Variants in AKAP6 observed in about 807,000 individuals in gnomAD.
AKAP6 encodes A-kinase anchoring protein 6.
Under a neutral mutation model 188.5 loss-of-function variants are expected in AKAP6, and 58 were observed. The observed-to-expected ratio is 0.31, with a 90% CI of 0.25 to 0.38. AKAP6 has a LOEUF of 0.38. AKAP6 is among the 10% of genes least tolerant of loss of function. The pLI is 1.00. For missense variants in AKAP6, 2,710 were observed against 2,740.0 expected, an observed-to-expected ratio of 0.99 and a Z score of 0.24; for synonymous variants, 989 against 998.6, an observed-to-expected ratio of 0.99 and a Z score of 0.18.
At chr14:32,467,745 A>G (rs1321330059) in intron 2 of AKAP6, among the ~76,000 whole-genome samples, 3 of 152,080 alleles carry the variant, frequency 2.0e-5, no homozygotes, top group Non-Finnish European at 4.4e-5. Flanking sequence ...CAGAATCCCA[A>G]GAAGTTGGTC....
intron 11 of AKAP6, among the ~76,000 whole-genome samples, chr14:32,745,281 G>GT (rs765414611): frequency 6.6e-6 from 1 of 152,064 alleles, no homozygotes. Context: ...TGACTAGGGT[G>GT]TTGTGATCTA....
intron 9 of AKAP6, among the ~76,000 whole-genome samples, chr14:32,728,200 A>AT (rs3033287): frequency 6.5e-4 from 46 of 71,052 alleles, no homozygotes; most frequent in Non-Finnish European, 8.4e-4. Flanking sequence ...ACATCCCTGG[A>AT]TTTTTTTTTT....
rs548638898 is a variant in AKAP6, at chr14:32,700,102, A to T, written c.3000+3992A>T. Among the ~76,000 whole-genome samples the T allele has an allele frequency of 1.1e-4, 16 of 151,776 alleles. No individual in the cohort carries two copies. In the East Asian group the frequency reaches 3.1e-3, roughly 29 times the overall value. ...CTCCCCCATTCTCTAAGTGTTATAG[A>T]CTGAGTGACCTAGAAGCATTTCAAC... On this transcript the variant is annotated intron_variant, in intron 9 of 13. Coordinates refer to ENST00000280979, the MANE Select transcript of AKAP6 (RefSeq NM_004274.5).
At chr14:32,384,268 C>T (rs1217570203) in intron 1 of AKAP6, among the ~76,000 whole-genome samples, 6 of 152,150 alleles carry the variant, frequency 3.9e-5, no homozygotes, top group Admixed American at 6.5e-5. Context: ...GGTAAATTTT[C>T]GTGATACCGG....
At chr14:32,670,156 G>A (rs1889120566) in intron 7 of AKAP6, among the ~76,000 whole-genome samples, 1 of 149,892 alleles carries the variant, frequency 6.7e-6, no homozygotes, top group Non-Finnish European at 1.5e-5. Flanking sequence ...CTATCACAAA[G>A]CCCCTTATAA....
At chr14:32,580,854 C>A (rs1019396637) in intron 5 of AKAP6, among the ~76,000 whole-genome samples, 23 of 152,160 alleles carry the variant, frequency 1.5e-4, no homozygotes, top group Non-Finnish European at 1.8e-4. Flanking sequence ...TTTCCAATTT[C>A]ATCCATGTCC....
intron 5 of AKAP6, among the ~76,000 whole-genome samples, chr14:32,595,876 G>T (rs559175486): frequency 1.3e-5 from 2 of 152,158 alleles, no homozygotes; most frequent in East Asian, 3.9e-4. Context: ...TTACACAATA[G>T]AATATAAGCT....
chr14:32,734,247 G>A (rs566086013), intron 10 of AKAP6: 2 of 151,918 alleles, frequency 1.3e-5, no homozygotes, highest in South Asian at 4.2e-4. Flanking sequence ...TTAAAGACAA[G>A]GATTTTAACT....
intron 12 of AKAP6, among the ~76,000 whole-genome samples, chr14:32,808,776 T>C (rs1219588696): frequency 6.6e-6 from 1 of 152,188 alleles, no homozygotes; most frequent in African/African-American, 2.4e-5. Flanking sequence ...ATGACATTTG[T>C]GTCATCACCG....
At chr14:32,773,968 C>T (rs534366816) in intron 12 of AKAP6, 75 bp downstream of exon 12, 64 of 1,462,076 alleles carry the variant, frequency 4.4e-5, no homozygotes, top group East Asian at 1.9e-4. Context: ...GGCTTGGAAA[C>T]GGTGTTCATC....
chr14:32,586,587 C>A (rs1307445664), intron 5 of AKAP6, among the ~76,000 whole-genome samples: 1 of 152,112 alleles, frequency 6.6e-6, no homozygotes, highest in Admixed American at 6.5e-5. Flanking sequence ...GCTGAGATTG[C>A]GTCACTGCAC....
intron 9 of AKAP6, among the ~76,000 whole-genome samples, chr14:32,722,723 C>T (rs2030612344): frequency 1.3e-5 from 2 of 152,170 alleles, no homozygotes; most frequent in East Asian, 3.9e-4. Context: ...CTCACTCCAT[C>T]GCCTTCCCAG....
Position 32,824,684 on chromosome 14 carries a change from G to A in AKAP6, c.6871G>A (p.Ala2291Thr). The A allele has an allele frequency of 6.2e-7, 1 of 1,613,834 alleles. No homozygotes were observed. Among genetic ancestry groups the A allele is most frequent in the Non-Finnish European group, 8.5e-7 (1 of 1,179,902 alleles). Residue 2291 changes from alanine to threonine, a missense_variant, in exon 13 of 14, where the codon GCC becomes ACC. Physicochemically the swap from Ala to Thr is moderately conservative, Grantham distance 58 (BLOSUM62 0). Transcript: ENST00000280979. ...SLKANQPTDK[A>T]ALHPSPKTLT... ...GAAGGCAAATCAGCCAACAGACAAGGCCGCATTGCATCCCAGCCCCAAAAC... is the reference window on the plus strand; with the variant it reads ...GAAGGCAAATCAGCCAACAGACAAGACCGCATTGCATCCCAGCCCCAAAAC...
chr14:32,752,183 A>G (rs892353236), intron 11 of AKAP6, among the ~76,000 whole-genome samples: 2 of 152,232 alleles, frequency 1.3e-5, no homozygotes, highest in African/African-American at 4.8e-5. Flanking sequence ...AAATTCAGGG[A>G]TGAGAAACAC....
chr14:32,698,355 G>A (rs531068615), intron 9 of AKAP6, among the ~76,000 whole-genome samples: 12 of 152,254 alleles, frequency 7.9e-5, no homozygotes, highest in African/African-American at 2.9e-4. Flanking sequence ...TTTATGGTCT[G>A]TTGATCATAG....
At chr14:32,582,211 A>C (rs1163909969) in intron 5 of AKAP6, among the ~76,000 whole-genome samples, 1 of 151,942 alleles carries the variant, frequency 6.6e-6, no homozygotes, top group Non-Finnish European at 1.5e-5. Flanking sequence ...ATCTCTCAGC[A>C]TTTGCTTGTC....
chr14:32,474,306 A>G, intron 2 of AKAP6: 1 of 152,232 alleles, frequency 6.6e-6, no homozygotes, highest in East Asian at 1.9e-4. Flanking sequence ...GGAGGAGGTG[A>G]AATTCATTAA....
chr14:32,728,343 G>A (rs1426094606), intron 9 of AKAP6, among the ~76,000 whole-genome samples: 1 of 134,172 alleles, frequency 7.5e-6, no homozygotes, highest in Non-Finnish European at 1.6e-5. Context: ...TATTTTCTCA[G>A]TGTATTCTAT....
chr14:32,755,408 TTTG>T (rs1385194243), intron 11 of AKAP6, among the ~76,000 whole-genome samples: 1 of 151,994 alleles, frequency 6.6e-6, no homozygotes, highest in Non-Finnish European at 1.5e-5. Context: ...CTTACCAGAT[TTTG>T]TTTAGTTGTT....
Sources: gnomAD v4.1 joint callset for allele counts (sites outside exome capture counted in the v4.1 genomes callset) on GRCh38, gnomAD v4.1.1 for gene constraint, MANE v1.5 for transcripts, NCBI Gene and HGNC (gene_info 2026-07-23, HGNC 2026-07-21) for gene names.